Variants in PRKX observed in about 807,000 individuals in gnomAD.
The protein encoded by PRKX is protein kinase cAMP-dependent X-linked catalytic subunit.
In PRKX, 12 loss-of-function variants were observed where a neutral mutation model predicts 22.0. The observed-to-expected ratio is 0.54, with a 90% CI of 0.35 to 0.88. The LOEUF (loss-of-function observed/expected upper bound fraction) is 0.88, where lower values mean the gene tolerates loss of function less well. Among genes scored for constraint, PRKX ranks in the 40% least tolerant of loss-of-function variants. PRKX has a pLI of 0.01. For synonymous variants in PRKX, 134 were observed against 137.7 expected, an observed-to-expected ratio of 0.97 and a Z score of 0.19; for missense variants, 217 against 308.0, an observed-to-expected ratio of 0.70 and a Z score of 2.21.
intron 5 of PRKX, among the ~76,000 whole-genome samples, chrX:3,622,568 G>A (rs1274327531): frequency 9.1e-6 from 1 of 110,399 alleles, no homozygotes; most frequent in African/African-American, 3.3e-5. Flanking sequence ...TGTGAATCTC[G>A]CCAGTGCTGT....
chrX:3,663,421 T>C (rs1480096070), intron 2 of PRKX, among the ~76,000 whole-genome samples: 1 of 62,014 alleles, frequency 1.6e-5, no homozygotes, highest in African/African-American at 5.1e-5. Context: ...TGAGATCTTG[T>C]CCCTACACAC....
chrX:3,638,921 T>G (rs755202529), intron 4 of PRKX, among the ~76,000 whole-genome samples: 1 of 103,272 alleles, frequency 9.7e-6, no homozygotes, highest in Non-Finnish European at 2.0e-5. Flanking sequence ...AGATAGATGA[T>G]AGGTAAATAC....
At chrX:3,631,818 G>C (rs1926789246) in intron 4 of PRKX, among the ~76,000 whole-genome samples, 1 of 112,728 alleles carries the variant, frequency 8.9e-6, no homozygotes, top group Non-Finnish European at 1.9e-5. Flanking sequence ...GAGGCAGAAA[G>C]GATCCTTCCC....
intron 3 of PRKX, among the ~76,000 whole-genome samples, chrX:3,654,139 T>C (rs1398206895): frequency 1.1e-5 from 1 of 90,242 alleles, no homozygotes; most frequent in African/African-American, 4.2e-5. Flanking sequence ...AGTATAGTGA[T>C]ATGTATGATA....
chrX:3,691,858 TTGATTGAATGACTGAC>T (rs1212089348), intron 1 of PRKX, among the ~76,000 whole-genome samples: 3 of 109,156 alleles, frequency 2.7e-5, no homozygotes, highest in Non-Finnish European at 5.7e-5. Context: ...AGATGATTGA[TTGATTGAATGACTGAC>T]TGGATGGATG....
intron 2 of PRKX, among the ~76,000 whole-genome samples, chrX:3,664,511 T>C (rs1230314229): frequency 1.8e-5 from 2 of 112,624 alleles, no homozygotes; most frequent in Admixed American, 1.9e-4. Flanking sequence ...GTGCTGGGAT[T>C]ATAGGCGTGG....
intron 1 of PRKX, among the ~76,000 whole-genome samples, chrX:3,691,623 G>C (rs1928327977): frequency 9.0e-6 from 1 of 111,125 alleles, no homozygotes; most frequent in Admixed American, 9.6e-5. Flanking sequence ...CTCTGTGGTG[G>C]GGCCATCCTG....
chrX:3,662,694 CAAAAAA>C (rs55726241), intron 2 of PRKX, among the ~76,000 whole-genome samples: 2 of 44,230 alleles, frequency 4.5e-5, no homozygotes, highest in Non-Finnish European at 3.8e-5. Context: ...GACTCCATCT[CAAAAAA>C]AAAAAAAAAA....
chrX:3,683,748 A>T (rs1928119731), intron 1 of PRKX, among the ~76,000 whole-genome samples: 1 of 111,736 alleles, frequency 8.9e-6, no homozygotes, highest in African/African-American at 3.3e-5. Context: ...CTGAGGTGGG[A>T]GGATTGCCTG....
At position 3,621,335 on chromosome X, in the gene PRKX, CAAAA is replaced by C. The variant is rs369523977; in HGVS notation, c.816-23_816-20del. ...GAGGTCTCTATGTTGGGGAAGGAGA[CAAAA>C]AAAAAAAAAGTACACAGATTATATA... On this transcript the variant is annotated intron_variant, in intron 5 of 8. Transcript: ENST00000262848. The C allele has an allele frequency of 2.1e-6, 2 of 959,712 alleles. No individual in the cohort carries two copies. Among genetic ancestry groups the C allele is most frequent in the Non-Finnish European group, 2.8e-6 (2 of 714,549 alleles). 79.1% of individuals were successfully genotyped at this position (959,712 alleles called of 1,213,427 possible).
chrX:3,605,487 A>C lies in PRKX; in HGVS notation c.*3482T>G, dbSNP rs1196010732. 1 of 112,788 alleles carries C rather than the reference A, an allele frequency of 8.9e-6. No homozygotes were observed. Among genetic ancestry groups the C allele is most frequent in the African/African-American group, 3.2e-5 (1 of 30,954 alleles). The allele number at this position is 112,788 out of a possible 1,213,427, so 9.3% of individuals were successfully genotyped here. On this transcript the variant is annotated 3_prime_UTR_variant, in exon 9 of 9. Coordinates refer to ENST00000262848, the MANE Select transcript of PRKX (RefSeq NM_005044.5). The stretch of plus-strand genomic sequence containing the variant: ...ACAGAGTGGAGCCTTGGGGTCTTTA[A>C]CAGTATTAAGCCATAGTTTCACAGT...
chrX:3,653,981 T>A (rs1438050831), intron 3 of PRKX, among the ~76,000 whole-genome samples: 68 of 79,220 alleles, frequency 8.6e-4, no homozygotes, highest in Non-Finnish European at 1.4e-3. Flanking sequence ...GATATATATA[T>A]TATATATATT....
intron 1 of PRKX, among the ~76,000 whole-genome samples, chrX:3,697,681 A>G (rs932939780): frequency 1.8e-5 from 2 of 109,839 alleles, no homozygotes; most frequent in Non-Finnish European, 3.8e-5. Context: ...AGTAGCTGGG[A>G]CCACAGGTGC....
In PRKX at chrX:3,612,793, T is replaced by C. The variant is rs1018279456; in HGVS notation, c.952-468A>G. 1.0e-4 allele frequency among the ~76,000 whole-genome samples: 11 copies of C among 110,326 alleles called. 1 individual carries two copies. The highest frequency in any genetic ancestry group is 3.9e-4 in the South Asian group (1 of 2,572). On this transcript the variant is annotated intron_variant, in intron 7 of 8. Transcript: ENST00000262848. ...CTGAGTGAGATCCTGTCTCAAAATA[T>C]ATATATATAGTATTAAGTAAGCTAT...
At chrX:3,681,244 C>T (rs1928065930) in intron 1 of PRKX, among the ~76,000 whole-genome samples, 2 of 108,493 alleles carry the variant, frequency 1.8e-5, no homozygotes, top group Admixed American at 2.0e-4. Flanking sequence ...ATTAGCCAGG[C>T]ATGGTTGTGT....
At chrX:3,702,321 C>A (rs1365793884) in intron 1 of PRKX, among the ~76,000 whole-genome samples, 1 of 113,016 alleles carries the variant, frequency 8.8e-6, no homozygotes, top group East Asian at 2.8e-4. Flanking sequence ...CTGTGTGCAA[C>A]CCTTTTGTTC....
At chrX:3,664,324 A>G (rs781126157) in intron 2 of PRKX, among the ~76,000 whole-genome samples, 2 of 111,215 alleles carry the variant, frequency 1.8e-5, no homozygotes, top group Non-Finnish European at 3.8e-5. Context: ...GCAACCTTCA[A>G]CTCCTGAGCT....
At chrX:3,619,681 G>C (rs781513101) in intron 6 of PRKX, among the ~76,000 whole-genome samples, 1 of 111,768 alleles carries the variant, frequency 8.9e-6, no homozygotes, top group South Asian at 3.8e-4. Context: ...AGAGCCTCTG[G>C]AGGCCTGAGA....
intron 2 of PRKX, among the ~76,000 whole-genome samples, chrX:3,662,315 C>T (rs1418408349): frequency 1.8e-5 from 2 of 111,418 alleles, no homozygotes; most frequent in Non-Finnish European, 3.8e-5. Context: ...AATTCCGGCA[C>T]TTTGCGGGGC....
Sources: allele counts gnomAD v4.1 joint callset (sites outside exome capture counted in the v4.1 genomes callset), GRCh38; gene constraint gnomAD v4.1.1; transcripts MANE v1.5; gene names NCBI Gene and HGNC (gene_info 2026-07-23, HGNC 2026-07-21).